The following CTNNAL1 variants were observed in gnomAD, a reference collection of about 807,000 sequenced individuals.
The protein encoded by CTNNAL1 is catenin alpha like 1.
CTNNAL1 carries 69 observed loss-of-function variants against 93.6 expected under a neutral mutation model. The observed-to-expected ratio is 0.74, with a 90% CI of 0.61 to 0.90. The LOEUF (loss-of-function observed/expected upper bound fraction) is 0.90. Ranked by LOEUF, CTNNAL1 falls within the 40% of genes least tolerant of loss-of-function variation. CTNNAL1 has a pLI of 0.00. For missense variants in CTNNAL1, 836 were observed against 862.0 expected (o/e 0.97, Z 0.38); for synonymous variants, 286 against 305.4 (o/e 0.94, Z 0.66).
At chr9:108,987,849 G>C (rs1224911399) in intron 4 of CTNNAL1, among the ~76,000 whole-genome samples, 3 of 152,156 alleles carry the variant, frequency 2.0e-5, no homozygotes, top group Admixed American at 6.5e-5. Context: ...TGGTGTATAA[G>C]AATGCTTGTG....
At chr9:109,006,198 T>C (rs1827021318) in intron 1 of CTNNAL1, among the ~76,000 whole-genome samples, 1 of 152,168 alleles carries the variant, frequency 6.6e-6, no homozygotes, top group South Asian at 2.1e-4. Flanking sequence ...AATACACAGT[T>C]TTACAAAATT....
intron 4 of CTNNAL1, 33 bp downstream of exon 4, chr9:108,990,693 A>T (rs1393920001): frequency 6.3e-7 from 1 of 1,597,372 alleles, no homozygotes; most frequent in Admixed American, 1.7e-5. Flanking sequence ...GTATGTATTT[A>T]TCTGAAGATT....
At chr9:108,960,277 TA>T (rs1196611428) in intron 11 of CTNNAL1, among the ~76,000 whole-genome samples, 1 of 152,098 alleles carries the variant, frequency 6.6e-6, no homozygotes, top group African/African-American at 2.4e-5. Flanking sequence ...CAATAAACCC[TA>T]CCAATATTAG....
Position 108,952,443 on chromosome 9 carries a change from C to T in CTNNAL1, c.1680+1G>A. 28 of 1,614,190 alleles carry T rather than the reference C, an allele frequency of 1.7e-5. No homozygotes were observed. Among genetic ancestry groups the T allele is most frequent in the Non-Finnish European group, 2.3e-5 (27 of 1,180,046 alleles). ...AGATTAGATGTAGGAATTGGTCTTA[C>T]CTCAGAGTCAGGCTTGTCTGGCTTT... On this transcript the variant is annotated splice_donor_variant, in intron 13 of 18. Transcript: ENST00000325551. LOFTEE classifies it high-confidence loss of function.
intron 14 of CTNNAL1, 68 bp downstream of exon 14, chr9:108,952,141 T>G (rs1362465899): frequency 5.9e-6 from 8 of 1,353,358 alleles, no homozygotes; most frequent in African/African-American, 1.5e-5. Context: ...TGATTTAACA[T>G]GGAACTTTTT....
intron 4 of CTNNAL1, among the ~76,000 whole-genome samples, chr9:108,986,952 C>T (rs1285265461): frequency 7.2e-5 from 11 of 152,180 alleles, no homozygotes; most frequent in Admixed American, 2.0e-4. Flanking sequence ...GAGTAGGTTG[C>T]GAAAATTTTC....
At chr9:108,981,124 A>C (rs544029137) in intron 6 of CTNNAL1, among the ~76,000 whole-genome samples, 1 of 152,390 alleles carries the variant, frequency 6.6e-6, no homozygotes, top group Non-Finnish European at 1.5e-5. Context: ...CAGGCAGAGC[A>C]CTGCCCCTCC....
chr9:108,990,946 G>C, intron 3 of CTNNAL1, 101 bp from the exon 4 acceptor site: 1 of 1,387,688 alleles, frequency 7.2e-7, no homozygotes, highest in Non-Finnish European at 9.6e-7. Context: ...CTGAATTCTA[G>C]GTGAAAGCTG....
intron 1 of CTNNAL1, among the ~76,000 whole-genome samples, chr9:109,001,195 A>G (rs985731609): frequency 1.3e-5 from 2 of 149,756 alleles, no homozygotes; most frequent in Non-Finnish European, 3.0e-5. Flanking sequence ...AAAAAAAAAG[A>G]ACTTATATTT....
rs539531707 is a variant in CTNNAL1 at position 108,978,856 on chromosome 9, T to C, written c.1101+425A>G. Among the ~76,000 whole-genome samples the C allele has an allele frequency of 1.3e-3, 196 of 152,300 alleles. 2 individuals carry two copies. In the Middle Eastern group the frequency reaches 0.014, roughly 11 times the overall value. On this transcript the variant is annotated intron_variant, in intron 7 of 18. Coordinates refer to ENST00000325551, the MANE Select transcript of CTNNAL1 (RefSeq NM_003798.4). Reference sequence around the variant, plus strand: ...AATCATTGTCTCTGTAAATCAGCTGTCCTCAGAGGTAAGAATTGTGTACAT... The same window carrying C: ...AATCATTGTCTCTGTAAATCAGCTGCCCTCAGAGGTAAGAATTGTGTACAT...
intron 6 of CTNNAL1, among the ~76,000 whole-genome samples, chr9:108,981,850 A>G (rs913475207): frequency 2.4e-4 from 36 of 152,296 alleles, no homozygotes; most frequent in African/African-American, 7.9e-4. Context: ...GCTTGAACCC[A>G]GGAGGTGGAG....
At chr9:108,946,573 C>G (rs1293628019) in intron 15 of CTNNAL1, among the ~76,000 whole-genome samples, 2 of 152,170 alleles carry the variant, frequency 1.3e-5, no homozygotes, top group East Asian at 3.9e-4. Flanking sequence ...CCTCTGTATT[C>G]TAGTCGTACG....
intron 10 of CTNNAL1, among the ~76,000 whole-genome samples, chr9:108,966,147 C>T (rs1361659510): frequency 6.6e-6 from 1 of 152,124 alleles, no homozygotes; most frequent in African/African-American, 2.4e-5. Context: ...GACCCTATTA[C>T]GAGTATACAC....
intron 9 of CTNNAL1, among the ~76,000 whole-genome samples, chr9:108,970,863 C>G (rs1216082103): frequency 2.0e-5 from 3 of 151,998 alleles, no homozygotes; most frequent in African/African-American, 7.2e-5. Flanking sequence ...TGCCCAAGGT[C>G]TCACAGCTAA....
chr9:108,972,864 G>GGGGGCCCGCCCCC, intron 8 of CTNNAL1, 31 bp from the exon 9 acceptor site: 1 of 142,590 alleles, frequency 7.0e-6, no homozygotes, highest in Non-Finnish European at 1.0e-5. Context: ...GGGGGGGTGG[G>GGGGGCCCGCCCCC]AGGGTGGAGA....
At chr9:109,008,963 C>T (rs1223543289) in intron 1 of CTNNAL1, among the ~76,000 whole-genome samples, 2 of 136,304 alleles carry the variant, frequency 1.5e-5, no homozygotes, top group African/African-American at 5.6e-5. Context: ...GTTGTGATCA[C>T]AGCTCACAGC....
chr9:109,007,756 A>G (rs890079298), intron 1 of CTNNAL1, among the ~76,000 whole-genome samples: 2 of 152,228 alleles, frequency 1.3e-5, no homozygotes, highest in African/African-American at 2.4e-5. Context: ...AGCCACCACC[A>G]AGCTTAAGAG....
At chr9:108,979,056 C>T (rs889130019) in intron 7 of CTNNAL1, among the ~76,000 whole-genome samples, 3 of 152,098 alleles carry the variant, frequency 2.0e-5, no homozygotes, top group Non-Finnish European at 4.4e-5. Flanking sequence ...ATAATTGAGA[C>T]TGGCTAGAAT....
chr9:109,000,233 A>C (rs998474117), intron 1 of CTNNAL1, among the ~76,000 whole-genome samples: 1 of 152,232 alleles, frequency 6.6e-6, no homozygotes, highest in Non-Finnish European at 1.5e-5. Flanking sequence ...ATTGCTTTTC[A>C]TCAAATTTTG....
Sources: gnomAD v4.1 joint callset for allele counts (sites outside exome capture counted in the v4.1 genomes callset) on GRCh38, gnomAD v4.1.1 for gene constraint, MANE v1.5 for transcripts, NCBI Gene and HGNC (gene_info 2026-07-23, HGNC 2026-07-21) for gene names.